The following MCTP1 variants were observed in gnomAD, a reference collection of about 807,000 sequenced individuals.
The protein encoded by MCTP1 is multiple C2 and transmembrane domain containing 1.
A neutral mutation model predicts 120.6 loss-of-function variants in MCTP1; 69 were observed. The observed-to-expected ratio is 0.57, with a 90% confidence interval of 0.47 to 0.70. The LOEUF is 0.70. Among genes scored for constraint, MCTP1 ranks in the 30% least tolerant of loss-of-function variants. MCTP1 has a pLI of 0.00. For missense variants in MCTP1, 1,203 were observed against 1,248.8 expected (o/e 0.96, Z 0.55); for synonymous variants, 529 against 493.1 (o/e 1.07, Z -0.96).
At chr5:95,163,503 G>A (rs1201482266) in intron 1 of MCTP1, among the ~76,000 whole-genome samples, 3 of 152,160 alleles carry the variant, frequency 2.0e-5, no homozygotes, top group Admixed American at 6.6e-5. Flanking sequence ...GGGGAAAAAT[G>A]CATATTAGCC....
At position 94,801,655 on chromosome 5, in the gene MCTP1, T is replaced by A. The variant is rs139129793; in HGVS notation, c.2437-2523A>T. ...GACCAATTGTAATCTTTTTAACCTA[T>A]TAAGCAGATATGTTTTCCCTTGTAA... On this transcript the variant is annotated intron_variant, in intron 17 of 22. Coordinates refer to ENST00000515393, the MANE Select transcript of MCTP1 (RefSeq NM_024717.7). Among the ~76,000 whole-genome samples the A allele has an allele frequency of 5.3e-5, 8 of 152,340 alleles. No individual in the cohort carries two copies. The South Asian group carries it at 1.4e-3, about 28-fold the overall frequency.
At chr5:95,067,293 T>C in intron 1 of MCTP1, among the ~76,000 whole-genome samples, 1 of 152,218 alleles carries the variant, frequency 6.6e-6, no homozygotes, top group Non-Finnish European at 1.5e-5. Context: ...TTGAATGTTC[T>C]CACCACAAAG....
intron 17 of MCTP1, among the ~76,000 whole-genome samples, chr5:94,815,529 T>C (rs1315002226): frequency 6.6e-6 from 1 of 152,210 alleles, no homozygotes; most frequent in African/African-American, 2.4e-5. Context: ...AGCTCCCCTT[T>C]CACTAGTTCA....
intron 1 of MCTP1, among the ~76,000 whole-genome samples, chr5:95,249,981 G>A (rs1213206903): frequency 6.6e-6 from 1 of 152,092 alleles, no homozygotes; most frequent in Non-Finnish European, 1.5e-5. Context: ...CACAGGGCGG[G>A]GAACATCACA....
intron 17 of MCTP1, among the ~76,000 whole-genome samples, chr5:94,812,966 T>C (rs1487648837): frequency 6.6e-6 from 1 of 151,974 alleles, no homozygotes; most frequent in Non-Finnish European, 1.5e-5. Flanking sequence ...ATATATAATG[T>C]ATATTTAAAA....
rs369341021 is a variant in MCTP1 at position 94,759,972 on chromosome 5, G to GTTTT, written c.2610+19134_2610+19137dup. Among the ~76,000 whole-genome samples, 851 of 115,402 alleles carry GTTTT rather than the reference G, an allele frequency of 7.4e-3. 17 individuals carry two copies. The highest frequency in any genetic ancestry group is 0.027 in the African/African-American group (825 of 30,230). 75.7% of individuals were successfully genotyped at this position (115,402 alleles called of 152,430 possible). ...CTTAGCAACCATTTTACTGTTGAGG[G>GTTTT]TTTTTTTTTTTTTTTTTGGTACGAA... is the stretch of plus-strand genomic sequence containing the variant. On this transcript the variant is annotated intron_variant, in intron 19 of 22. Transcript: ENST00000515393.
intron 5 of MCTP1, among the ~76,000 whole-genome samples, chr5:94,932,823 G>A (rs1287141120): frequency 6.6e-6 from 1 of 151,972 alleles, no homozygotes; most frequent in Non-Finnish European, 1.5e-5. Context: ...AAGGAATATA[G>A]CTTAAAGTGC....
At position 94,707,310 on chromosome 5, in the gene MCTP1, TGA is replaced by T; in HGVS notation, c.*184_*185del. On this transcript the variant is annotated 3_prime_UTR_variant, in exon 23 of 23. Transcript: ENST00000515393. Reference sequence around the variant, plus strand: ...AGCAGTAGCAAAACCTTTATCAAGTTGAGTCTGTACAATAGAAGTATATATTC... The same window carrying T: ...AGCAGTAGCAAAACCTTTATCAAGTTGTCTGTACAATAGAAGTATATATTC... The T allele has an allele frequency of 1.9e-6, 1 of 514,030 alleles. No individual in the cohort carries two copies. The allele number at this position is 514,030 out of a possible 1,614,324, so 31.8% of individuals were successfully genotyped here.
chr5:95,231,360 A>G (rs1754921390), intron 1 of MCTP1, among the ~76,000 whole-genome samples: 1 of 152,210 alleles, frequency 6.6e-6, no homozygotes, highest in Non-Finnish European at 1.5e-5. Flanking sequence ...ATACACATAT[A>G]TAGACTTTTG....
intron 11 of MCTP1, among the ~76,000 whole-genome samples, chr5:94,893,171 C>T (rs1351286360): frequency 6.6e-6 from 1 of 151,990 alleles, no homozygotes; most frequent in African/African-American, 2.4e-5. Flanking sequence ...ATGGAAATGG[C>T]CAATTGCCAT....
rs530661503 is a variant in MCTP1 at position 95,000,738 on chromosome 5, C to G, written c.838+16629G>C. Among the ~76,000 whole-genome samples the G allele has an allele frequency of 3.0e-4, 45 of 152,094 alleles. 1 individual carries two copies. In the South Asian group the frequency reaches 9.4e-3, roughly 32 times the overall value. On this transcript the variant is annotated intron_variant, in intron 2 of 22. Coordinates refer to ENST00000515393, the MANE Select transcript of MCTP1 (RefSeq NM_024717.7). Reference sequence around the variant, plus strand: ...ATAAGTTAAAAAAGATTACAATGAGCAAAGATTTATTATTAAAGACAGAAA... The same window carrying G: ...ATAAGTTAAAAAAGATTACAATGAGGAAAGATTTATTATTAAAGACAGAAA...
intron 1 of MCTP1, among the ~76,000 whole-genome samples, chr5:95,052,019 ACACCTGTACCT>A (rs1314425633): frequency 6.6e-6 from 1 of 152,176 alleles, no homozygotes; most frequent in African/African-American, 2.4e-5. Flanking sequence ...CTGCCCATGT[ACACCTGTACCT>A]AAAAGTTAAA....
At chr5:95,102,662 T>C (rs897641958) in intron 1 of MCTP1, among the ~76,000 whole-genome samples, 2 of 152,150 alleles carry the variant, frequency 1.3e-5, no homozygotes, top group African/African-American at 4.8e-5. Flanking sequence ...GACAATTAGG[T>C]GGTATTTATA....
At chr5:95,093,136 T>C (rs1039237844) in intron 1 of MCTP1, among the ~76,000 whole-genome samples, 1 of 152,250 alleles carries the variant, frequency 6.6e-6, no homozygotes, top group African/African-American at 2.4e-5. Flanking sequence ...TAGCATTCTA[T>C]GGGCAGTAAA....
intron 19 of MCTP1, among the ~76,000 whole-genome samples, chr5:94,748,571 A>G (rs1027938906): frequency 7.9e-5 from 12 of 152,200 alleles, no homozygotes; most frequent in Non-Finnish European, 1.8e-4. Context: ...TGGAAATAAA[A>G]TTTCTGTGGG....
rs551099812 is a variant in MCTP1, at chr5:94,853,630, G to A, written c.2436+14703C>T. Among the ~76,000 whole-genome samples, 56 of 151,970 alleles carry A rather than the reference G, an allele frequency of 3.7e-4. No individual in the cohort carries two copies. In the South Asian group the frequency reaches 4.8e-3, roughly 13 times the overall value. ...TTATCATCTTATAATGAAGGAAGAG[G>A]TACAGTTCTCATCAAGAAGGACACC... On this transcript the variant is annotated intron_variant, in intron 17 of 22. Coordinates refer to ENST00000515393, the MANE Select transcript of MCTP1 (RefSeq NM_024717.7).
chr5:95,199,746 C>T (rs1344877317), intron 1 of MCTP1, among the ~76,000 whole-genome samples: 3 of 151,694 alleles, frequency 2.0e-5, no homozygotes, highest in African/African-American at 7.3e-5. Flanking sequence ...GTAATCCCAG[C>T]TACTCAGGAG....
intron 1 of MCTP1, among the ~76,000 whole-genome samples, chr5:95,268,570 G>A (rs1291542769): frequency 6.6e-6 from 1 of 152,182 alleles, no homozygotes; most frequent in Non-Finnish European, 1.5e-5. Flanking sequence ...TTGGCTGAAG[G>A]CAGCTGAATT....
intron 1 of MCTP1, chr5:95,081,768 C>A: frequency 1.8e-6 from 2 of 1,142,658 alleles, no homozygotes; most frequent in Non-Finnish European, 2.1e-6. Flanking sequence ...GATTACATAA[C>A]AAACATCATA....
Sources: allele counts gnomAD v4.1 joint callset (sites outside exome capture counted in the v4.1 genomes callset), GRCh38; gene constraint gnomAD v4.1.1; transcripts MANE v1.5; gene names NCBI Gene and HGNC (gene_info 2026-07-23, HGNC 2026-07-21).